Variants in ARL15 observed in about 807,000 individuals in gnomAD.
The protein encoded by ARL15 is ADP-ribosylation factor-like protein 15.
ARL15 carries 19 observed loss-of-function variants against 25.2 expected under a neutral mutation model. The observed-to-expected ratio is 0.75, with a 90% CI of 0.53 to 1.10. The LOEUF (loss-of-function observed/expected upper bound fraction) is 1.10. ARL15 is among the 50% of genes least tolerant of loss of function. ARL15 has a pLI of 0.00. For synonymous variants in ARL15, 94 were observed against 86.8 expected, an observed-to-expected ratio of 1.08 and a Z score of -0.46; for missense variants, 220 against 246.0, an observed-to-expected ratio of 0.89 and a Z score of 0.71.
chr5:53,888,282 T>C (rs1300656717), intron 4 of ARL15, among the ~76,000 whole-genome samples: 1 of 151,958 alleles, frequency 6.6e-6, no homozygotes, highest in Non-Finnish European at 1.5e-5. Context: ...TATTTTTTTA[T>C]TTTTATTTTT....
In ARL15 at chr5:53,886,467, A is replaced by G. The variant is rs977122750; in HGVS notation, c.*94T>C. 8.9e-6 allele frequency: 12 copies of G among 1,350,016 alleles called. No individual in the cohort carries two copies. The African/African-American group carries it at 1.6e-4, about 18-fold the overall frequency. The allele number at this position is 1,350,016 out of a possible 1,614,324, so 83.6% of individuals were successfully genotyped here. A position where few individuals can be genotyped will look rare whatever the true frequency, so the allele number is the denominator to read the frequency against. ...ATGACCAGAGGAAAATAGATACTGA[A>G]GCCAATATAGTCTTGATACCAAAAT... On this transcript the variant is annotated 3_prime_UTR_variant, in exon 5 of 5. Coordinates refer to ENST00000504924, the MANE Select transcript of ARL15 (RefSeq NM_019087.3).
intron 4 of ARL15, among the ~76,000 whole-genome samples, chr5:53,910,572 A>C (rs1389213838): frequency 2.7e-5 from 4 of 148,178 alleles, no homozygotes; most frequent in African/African-American, 1.0e-4. Context: ...ATGTGTACCT[A>C]TGTGACAAAC....
At chr5:53,985,325 CA>C (rs1211844911) in intron 4 of ARL15, among the ~76,000 whole-genome samples, 1 of 152,060 alleles carries the variant, frequency 6.6e-6, no homozygotes, top group African/African-American at 2.4e-5. Context: ...TAAAATTTAC[CA>C]TCTTAACCAT....
chr5:53,975,856 C>G (rs936988782), intron 4 of ARL15, among the ~76,000 whole-genome samples: 2 of 152,090 alleles, frequency 1.3e-5, no homozygotes, highest in Non-Finnish European at 2.9e-5. Flanking sequence ...GCCAGGGTCC[C>G]TGGCTCTGCC....
intron 4 of ARL15, among the ~76,000 whole-genome samples, chr5:54,032,027 CT>C (rs1255137149): frequency 1.3e-5 from 2 of 152,170 alleles, no homozygotes; most frequent in Non-Finnish European, 2.9e-5. Context: ...AGCCTTTCTA[CT>C]TACTAACAGA....
chr5:53,957,239 G>A (rs1008882525), intron 4 of ARL15, among the ~76,000 whole-genome samples: 8 of 151,982 alleles, frequency 5.3e-5, no homozygotes, highest in African/African-American at 1.9e-4. Flanking sequence ...ACATAGAAGT[G>A]AGCTTCAATA....
chr5:54,171,956 C>A, intron 1 of ARL15, 28 bp from the exon 2 acceptor site: 1 of 1,600,282 alleles, frequency 6.2e-7, no homozygotes, highest in Non-Finnish European at 8.5e-7. Flanking sequence ...AAAAAATGTT[C>A]CTTTAAATGA....
In ARL15 at chr5:54,110,129, G is replaced by C. The variant is rs1223943372; in HGVS notation, c.462+3073C>G. 2.6e-5 allele frequency among the ~76,000 whole-genome samples: 4 copies of C among 151,924 alleles called. No homozygotes were observed. In the East Asian group the frequency reaches 7.7e-4, roughly 29 times the overall value. On this transcript the variant is annotated intron_variant, in intron 4 of 4. Transcript: ENST00000504924. ...TTGGGCATGTTGCCCTCTCTCTGTG[G>C]GTTACATAGTAATTTTAACCATTGT...
rs112719547 is a variant in ARL15, at chr5:54,114,359, G to A, written c.254-949C>T. Among the ~76,000 whole-genome samples, 265 of 121,336 alleles carry A rather than the reference G, an allele frequency of 2.2e-3. 1 individual carries two copies. Among genetic ancestry groups the A allele is most frequent in the Admixed American group, 0.013 (117 of 8,792 alleles). 79.6% of individuals were successfully genotyped at this position (121,336 alleles called of 152,430 possible). On this transcript the variant is annotated intron_variant, in intron 3 of 4. Coordinates refer to ENST00000504924, the MANE Select transcript of ARL15 (RefSeq NM_019087.3). The stretch of plus-strand genomic sequence containing the variant: ...GTGGAGGTTGCAGTGAGCCAAGATC[G>A]CGCCACTGCACTCCAGCCTGGGCAA...
chr5:54,249,161 GA>G (rs1208080665), intron 1 of ARL15, among the ~76,000 whole-genome samples: 1 of 152,196 alleles, frequency 6.6e-6, no homozygotes, highest in Non-Finnish European at 1.5e-5. Flanking sequence ...GAAGCCAAAG[GA>G]AAAATGATCA....
At chr5:54,099,625 C>T (rs759304233) in intron 4 of ARL15, among the ~76,000 whole-genome samples, 11 of 152,152 alleles carry the variant, frequency 7.2e-5, no homozygotes, top group Middle Eastern at 3.4e-3. Context: ...TTAAAAAGCA[C>T]TCCCATGACA....
chr5:54,160,304 A>G (rs1373700055), intron 2 of ARL15, among the ~76,000 whole-genome samples: 4 of 152,230 alleles, frequency 2.6e-5, no homozygotes, highest in Non-Finnish European at 5.9e-5. Context: ...TTTGAAGCTA[A>G]TACTGAAGTT....
chr5:54,119,569 G>C (rs995892876), intron 3 of ARL15, among the ~76,000 whole-genome samples: 1 of 152,084 alleles, frequency 6.6e-6, no homozygotes. Flanking sequence ...AAAACATTAA[G>C]TGCCTATAAC....
intron 4 of ARL15, among the ~76,000 whole-genome samples, chr5:54,073,721 T>C (rs1376749285): frequency 1.3e-5 from 2 of 152,220 alleles, no homozygotes; most frequent in Non-Finnish European, 2.9e-5. Flanking sequence ...AAAGAAATGT[T>C]TTCCTACTTC....
intron 4 of ARL15, among the ~76,000 whole-genome samples, chr5:53,930,814 G>A (rs976562404): frequency 2.0e-5 from 3 of 152,130 alleles, no homozygotes; most frequent in African/African-American, 7.2e-5. Context: ...GAATTAAGCT[G>A]TATATATACC....
intron 1 of ARL15, among the ~76,000 whole-genome samples, chr5:54,207,181 C>T (rs546233676): frequency 6.6e-6 from 1 of 152,330 alleles, no homozygotes; most frequent in East Asian, 1.9e-4. Context: ...AGTAGGTGCA[C>T]AAGATGTGGC....
chr5:54,240,204 G>A (rs1322272444), intron 1 of ARL15, among the ~76,000 whole-genome samples: 6 of 150,194 alleles, frequency 4.0e-5, no homozygotes, highest in African/African-American at 1.5e-4. Context: ...TCTAGCCTGG[G>A]CGACAGAGCG....
At chr5:54,118,407 T>C (rs1320070558) in intron 3 of ARL15, among the ~76,000 whole-genome samples, 4 of 152,180 alleles carry the variant, frequency 2.6e-5, no homozygotes, top group Non-Finnish European at 4.4e-5. Flanking sequence ...TATTTTTTTG[T>C]TTTCAAAATT....
chr5:54,281,057 A>AT, intron 1 of ARL15, among the ~76,000 whole-genome samples: 1 of 152,188 alleles, frequency 6.6e-6, no homozygotes, highest in Admixed American at 6.5e-5. Flanking sequence ...CAAAAAGTAT[A>AT]TAAAGTAAAT....
Sources: allele counts gnomAD v4.1 joint callset (sites outside exome capture counted in the v4.1 genomes callset), GRCh38; gene constraint gnomAD v4.1.1; transcripts MANE v1.5; gene names NCBI Gene and HGNC (gene_info 2026-07-23, HGNC 2026-07-21).